ESR1: variants seen among roughly 807,000 people sequenced by gnomAD.
ESR1 encodes the protein estrogen receptor.
In ESR1, 12 loss-of-function variants were observed where a neutral mutation model predicts 52.7. The ratio of observed to expected loss-of-function variants is 0.23; its 90% CI spans 0.15 to 0.37. The LOEUF (loss-of-function observed/expected upper bound fraction) is 0.37. Ranked by LOEUF, ESR1 falls within the 10% of genes least tolerant of loss-of-function variation. The probability of loss-of-function intolerance (pLI) is 1.00; values close to 1 mark genes in which losing one functional copy is unlikely to be tolerated. For missense variants in ESR1, 584 were observed against 779.7 expected (o/e 0.75, Z 2.99); for synonymous variants, 305 against 316.8 (o/e 0.96, Z 0.39).
chr6:151,662,426 G>A (rs574422925), intron 1 of ESR1, among the ~76,000 whole-genome samples: 2 of 152,160 alleles, frequency 1.3e-5, no homozygotes, highest in African/African-American at 4.8e-5. Context: ...TAAAGGGGGA[G>A]GAAATAGAGG....
rs376569815 is a variant in ESR1 at position 152,117,438 on chromosome 6, G to A, written c.851-7828G>A. The stretch of plus-strand genomic sequence containing the variant: ...TTGCCTGTAGCATCAAATCTGTGAC[G>A]AGGCTTACCCAGGACTTTCTTCTCC... On this transcript the variant is annotated intron_variant, in intron 6 of 6. Transcript: ENST00000427531. Among the ~76,000 whole-genome samples, 5 of 152,264 alleles carry A rather than the reference G, an allele frequency of 3.3e-5. No individual in the cohort carries two copies. In the East Asian group the frequency reaches 5.8e-4, roughly 18 times the overall value.
At chr6:151,851,888 G>A (rs965674798) in intron 2 of ESR1, among the ~76,000 whole-genome samples, 1 of 152,078 alleles carries the variant, frequency 6.6e-6, no homozygotes, top group African/African-American at 2.4e-5. Context: ...ACCAGAGAAG[G>A]GAAAGAATCA....
At chr6:151,879,828 G>C (rs1792494723) in intron 2 of ESR1, among the ~76,000 whole-genome samples, 1 of 152,136 alleles carries the variant, frequency 6.6e-6, no homozygotes, top group Non-Finnish European at 1.5e-5. Context: ...TTTGTGAACT[G>C]AAGGACTGAA....
chr6:151,988,451 C>T (rs2040709328), intron 4 of ESR1, among the ~76,000 whole-genome samples: 1 of 152,074 alleles, frequency 6.6e-6, no homozygotes, highest in African/African-American at 2.4e-5. Flanking sequence ...GCTTCACTTG[C>T]ACGTTCACTG....
intron 2 of ESR1, among the ~76,000 whole-genome samples, chr6:151,769,787 A>G (rs1012487476): frequency 2.6e-5 from 4 of 152,204 alleles, no homozygotes; most frequent in Admixed American, 6.5e-5. Context: ...TTCAGAGGAA[A>G]TAAGAGTGTA....
chr6:151,839,052 C>G (rs1783856666), intron 1 of ESR1, among the ~76,000 whole-genome samples: 1 of 152,074 alleles, frequency 6.6e-6, no homozygotes, highest in Non-Finnish European at 1.5e-5. Flanking sequence ...TGTTGAGTCC[C>G]TATTCCAAGT....
chr6:151,931,698 C>T (rs957242618), intron 3 of ESR1, among the ~76,000 whole-genome samples: 10 of 145,680 alleles, frequency 6.9e-5, no homozygotes, highest in East Asian at 2.0e-4. Flanking sequence ...TGAGAATATG[C>T]GGTGTTTGGT....
At chr6:151,707,693 G>T (rs948362779) in intron 2 of ESR1, among the ~76,000 whole-genome samples, 1 of 151,966 alleles carries the variant, frequency 6.6e-6, no homozygotes. Flanking sequence ...TCTTTATAAA[G>T]TCCTTAAGGA....
intron 4 of ESR1, among the ~76,000 whole-genome samples, chr6:151,961,349 A>G (rs1418405663): frequency 3.3e-5 from 5 of 152,234 alleles, no homozygotes; most frequent in African/African-American, 1.2e-4. Context: ...AGCTGTATCA[A>G]ATGCTGCTAT....
intron 4 of ESR1, among the ~76,000 whole-genome samples, chr6:151,987,224 ATC>A (rs1261220521): frequency 6.6e-6 from 1 of 152,002 alleles, no homozygotes; most frequent in Non-Finnish European, 1.5e-5. Flanking sequence ...CCCAGCAATC[ATC>A]TCTCTTTCAG....
At chr6:151,684,883 T>C (rs1354250437) in intron 1 of ESR1, among the ~76,000 whole-genome samples, 7 of 152,074 alleles carry the variant, frequency 4.6e-5, no homozygotes, top group Non-Finnish European at 2.9e-5. Context: ...CTAGGTTTCA[T>C]TGCAAACGGG....
At chr6:151,821,640 C>T (rs1378838172) in intron 1 of ESR1, among the ~76,000 whole-genome samples, 2 of 152,134 alleles carry the variant, frequency 1.3e-5, no homozygotes, top group African/African-American at 4.8e-5. Context: ...AGTCCACTAT[C>T]ACCAATGTGA....
At chr6:151,970,220 C>G (rs1421480881) in intron 4 of ESR1, among the ~76,000 whole-genome samples, 1 of 152,010 alleles carries the variant, frequency 6.6e-6, no homozygotes, top group Non-Finnish European at 1.5e-5. Context: ...TTAAGGAAGG[C>G]CAGTGATATA....
intron 4 of ESR1, among the ~76,000 whole-genome samples, chr6:151,971,460 C>G (rs1382503253): frequency 1.3e-5 from 2 of 151,244 alleles, no homozygotes; most frequent in African/African-American, 4.9e-5. Flanking sequence ...TTTTCATTCC[C>G]GAGTTACTTC....
intron 2 of ESR1, among the ~76,000 whole-genome samples, chr6:151,707,041 G>A (rs904081231): frequency 6.6e-5 from 10 of 152,140 alleles, no homozygotes; most frequent in African/African-American, 2.2e-4. Flanking sequence ...GTTAGTGAGC[G>A]TCTAGCACAA....
intron 1 of ESR1, among the ~76,000 whole-genome samples, chr6:151,839,455 G>C (rs1783925324): frequency 6.6e-6 from 1 of 152,146 alleles, no homozygotes; most frequent in African/African-American, 2.4e-5. Context: ...AATCAAAATA[G>C]AATTATCATA....
chr6:151,915,543 G>A (rs1045540886), intron 3 of ESR1, among the ~76,000 whole-genome samples: 1 of 152,092 alleles, frequency 6.6e-6, no homozygotes, highest in Admixed American at 6.6e-5. Context: ...ATGGATACAG[G>A]TGTAATACAT....
chr6:151,656,800 T>C (rs1271703632), intron 1 of ESR1: 1 of 152,178 alleles, frequency 6.6e-6, no homozygotes, highest in Non-Finnish European at 1.5e-5. Context: ...TAACTTTCCC[T>C]TGGACAACTG....
chr6:151,994,046 C>T (rs1454273579), intron 4 of ESR1, among the ~76,000 whole-genome samples: 3 of 152,026 alleles, frequency 2.0e-5, no homozygotes, highest in African/African-American at 7.2e-5. Context: ...TCCTAACAAC[C>T]CTAGAAGGTA....
Sources: allele counts gnomAD v4.1 joint callset (sites outside exome capture counted in the v4.1 genomes callset), GRCh38; gene constraint gnomAD v4.1.1; transcripts MANE v1.5; gene names NCBI Gene and HGNC (gene_info 2026-07-23, HGNC 2026-07-21).